RASAL2: variants seen among roughly 807,000 people sequenced by gnomAD.
The protein encoded by RASAL2 is RAS protein activator like 2.
Under a neutral mutation model 128.9 loss-of-function variants are expected in RASAL2, and 58 were observed. That is an observed-to-expected ratio of 0.45 (90% CI 0.36 to 0.56). RASAL2 has a LOEUF of 0.56. Among genes scored for constraint, RASAL2 ranks in the 20% least tolerant of loss-of-function variants. RASAL2 has a pLI of 0.00. For synonymous variants in RASAL2, 561 were observed against 580.8 expected, an observed-to-expected ratio of 0.97 and a Z score of 0.49; for missense variants, 1,360 against 1,601.6, an observed-to-expected ratio of 0.85 and a Z score of 2.57.
chr1:178,126,597 G>A (rs539463968), intron 1 of RASAL2, among the ~76,000 whole-genome samples: 2 of 152,276 alleles, frequency 1.3e-5, no homozygotes, highest in Admixed American at 6.5e-5. Context: ...TATTAAAATT[G>A]TCTCACTTAT....
intron 3 of RASAL2, among the ~76,000 whole-genome samples, chr1:178,307,936 G>A (rs77172726): frequency 0.018 from 2,771 of 152,222 alleles, 77 homozygotes; most frequent in African/African-American, 0.06. Context: ...CCAAACATTC[G>A]TAAATCCGAG....
At chr1:178,471,547 A>G (rs975899384) in intron 17 of RASAL2, among the ~76,000 whole-genome samples, 1 of 152,174 alleles carries the variant, frequency 6.6e-6, no homozygotes, top group African/African-American at 2.4e-5. Context: ...TTACCACATG[A>G]GTTCTCCATC....
chr1:178,463,791 A>G (rs1306077432), intron 14 of RASAL2, among the ~76,000 whole-genome samples: 34 of 152,142 alleles, frequency 2.2e-4, no homozygotes, highest in Admixed American at 2.2e-3. Flanking sequence ...ATAAATGGGC[A>G]CTTTGTGAGT....
At chr1:178,226,708 C>T (rs983058405) in intron 1 of RASAL2, among the ~76,000 whole-genome samples, 3 of 152,090 alleles carry the variant, frequency 2.0e-5, no homozygotes, top group East Asian at 1.9e-4. Flanking sequence ...GCATTTTGGG[C>T]GGCCGAGGCA....
At chr1:178,170,026 C>A (rs1375412509) in intron 1 of RASAL2, among the ~76,000 whole-genome samples, 1 of 151,904 alleles carries the variant, frequency 6.6e-6, no homozygotes, top group Non-Finnish European at 1.5e-5. Context: ...CCTTCTCTAT[C>A]CTCCCCATTC....
intron 1 of RASAL2, among the ~76,000 whole-genome samples, chr1:178,190,649 T>C (rs1331994041): frequency 6.6e-6 from 1 of 152,080 alleles, no homozygotes; most frequent in East Asian, 1.9e-4. Flanking sequence ...TTGTGAAAGA[T>C]TCTGACTTGA....
At chr1:178,350,844 T>C (rs544030120) in intron 3 of RASAL2, among the ~76,000 whole-genome samples, 1 of 152,312 alleles carries the variant, frequency 6.6e-6, no homozygotes, top group South Asian at 2.1e-4. Flanking sequence ...TGGTTGGATG[T>C]ATTAGTTCAT....
intron 9 of RASAL2, among the ~76,000 whole-genome samples, chr1:178,446,110 C>G (rs1002833472): frequency 1.3e-5 from 2 of 152,208 alleles, no homozygotes; most frequent in African/African-American, 4.8e-5. Context: ...TTCTGCCTTT[C>G]TCTAGAATTT....
intron 1 of RASAL2, among the ~76,000 whole-genome samples, chr1:178,215,009 G>A (rs1663381215): frequency 6.6e-6 from 1 of 152,226 alleles, no homozygotes; most frequent in African/African-American, 2.4e-5. Flanking sequence ...TGCTGTTGCT[G>A]TAGTACAGAT....
At chr1:178,423,040 A>G (rs1312410073) in intron 5 of RASAL2, among the ~76,000 whole-genome samples, 1 of 152,074 alleles carries the variant, frequency 6.6e-6, no homozygotes, top group Non-Finnish European at 1.5e-5. Context: ...ATATGTTTTC[A>G]TGTTTTCATA....
chr1:178,275,659 G>A lies in RASAL2; in HGVS notation c.203-7905G>A, dbSNP rs1666471178. 2.0e-5 allele frequency among the ~76,000 whole-genome samples: 3 copies of A among 152,226 alleles called. No individual in the cohort carries two copies. The South Asian group carries it at 6.2e-4, about 31-fold the overall frequency. ...TTTACCAGATAACTCACTCTGACCT[G>A]TGATAGAGCAGAGTTAGAACATTCA... On this transcript the variant is annotated intron_variant, in intron 1 of 17. Transcript: ENST00000367649.
chr1:178,382,118 A>G (rs983999562), intron 3 of RASAL2, among the ~76,000 whole-genome samples: 2 of 152,204 alleles, frequency 1.3e-5, no homozygotes, highest in Non-Finnish European at 2.9e-5. Context: ...ATCTCCCCAC[A>G]TAGGTATACT....
intron 17 of RASAL2, chr1:178,470,548 C>A: frequency 2.0e-6 from 1 of 494,420 alleles, no homozygotes; most frequent in Non-Finnish European, 3.6e-6. Context: ...CCACCTTTCA[C>A]CCCTGAGCAT....
At chr1:178,104,576 G>A (rs1174985395) in intron 1 of RASAL2, among the ~76,000 whole-genome samples, 2 of 152,148 alleles carry the variant, frequency 1.3e-5, no homozygotes, top group African/African-American at 2.4e-5. Context: ...GATTTAGTGC[G>A]AAATTGGTGA....
chr1:178,453,546 T>A (rs1355837009), intron 11 of RASAL2, among the ~76,000 whole-genome samples: 1 of 152,126 alleles, frequency 6.6e-6, no homozygotes, highest in Non-Finnish European at 1.5e-5. Flanking sequence ...AAAAGAAAAT[T>A]AGGAGAAAAC....
intron 1 of RASAL2, among the ~76,000 whole-genome samples, chr1:178,156,981 A>G (rs919345382): frequency 2.0e-5 from 3 of 152,204 alleles, no homozygotes; most frequent in African/African-American, 4.8e-5. Flanking sequence ...TTTAGCCTAA[A>G]TACCTACTTA....
At chr1:178,287,184 T>G (rs1449505578) in intron 2 of RASAL2, among the ~76,000 whole-genome samples, 1 of 151,564 alleles carries the variant, frequency 6.6e-6, no homozygotes, top group Non-Finnish European at 1.5e-5. Flanking sequence ...TTACTCTTTA[T>G]CTAGTCTGCC....
At chr1:178,390,003 G>A (rs1249622325) in intron 3 of RASAL2, 97 bp from the exon 4 acceptor site, 1 of 738,448 alleles carries the variant, frequency 1.4e-6, no homozygotes, top group Non-Finnish European at 2.3e-6. Flanking sequence ...TTTAAAGCAT[G>A]CTGGTTTATT....
chr1:178,246,004 G>A (rs1318308679), intron 1 of RASAL2, among the ~76,000 whole-genome samples: 1 of 152,148 alleles, frequency 6.6e-6, no homozygotes, highest in Non-Finnish European at 1.5e-5. Flanking sequence ...GTAGCATGAT[G>A]CCTCCAGCTT....
Sources: gnomAD v4.1 joint callset for allele counts (sites outside exome capture counted in the v4.1 genomes callset) on GRCh38, gnomAD v4.1.1 for gene constraint, MANE v1.5 for transcripts, NCBI Gene and HGNC (gene_info 2026-07-23, HGNC 2026-07-21) for gene names.